The following DARS2 variants were observed in gnomAD, a reference collection of about 807,000 sequenced individuals.
DARS2 encodes aspartate--tRNA ligase, mitochondrial.
Under a neutral mutation model 83.0 loss-of-function variants are expected in DARS2, and 63 were observed. The ratio of observed to expected loss-of-function variants is 0.76; its 90% confidence interval spans 0.62 to 0.94. The LOEUF is 0.94. DARS2 is among the 40% of genes least tolerant of loss of function. The pLI is 0.00. For synonymous variants in DARS2, 250 were observed against 269.3 expected (o/e 0.93, Z 0.70); for missense variants, 675 against 774.4 (o/e 0.87, Z 1.52).
chr1:173,846,429 C>T (rs1430038333), intron 12 of DARS2, among the ~76,000 whole-genome samples: 3 of 151,922 alleles, frequency 2.0e-5, no homozygotes, highest in Non-Finnish European at 2.9e-5. Flanking sequence ...GAGTTCAAGG[C>T]TGCAGTGAGC....
intron 11 of DARS2, 34 bp downstream of exon 11, chr1:173,841,007 T>C (rs748699191): frequency 8.0e-7 from 1 of 1,243,682 alleles, no homozygotes; most frequent in Non-Finnish European, 1.2e-6. Context: ...TTCTCTAGAA[T>C]GTATGCTTTG....
chr1:173,847,357 A>T (rs1197576646), intron 12 of DARS2, among the ~76,000 whole-genome samples: 1 of 152,140 alleles, frequency 6.6e-6, no homozygotes, highest in Admixed American at 6.5e-5. Context: ...GCATCTAAGA[A>T]CCATAGGACC....
chr1:173,836,915 C>G, intron 7 of DARS2, 25 bp from the exon 8 acceptor site: 1 of 1,590,568 alleles, frequency 6.3e-7, no homozygotes, highest in Non-Finnish European at 8.6e-7. Context: ...AATCTGTCTT[C>G]TCTCTCTTTC....
chr1:173,839,996 C>T (rs1266998500), intron 10 of DARS2, among the ~76,000 whole-genome samples: 1 of 152,090 alleles, frequency 6.6e-6, no homozygotes, highest in East Asian at 1.9e-4. Flanking sequence ...AGTTTCATTA[C>T]CAGGCCTCTA....
At chr1:173,846,735 G>T (rs1450124372) in intron 12 of DARS2, among the ~76,000 whole-genome samples, 2 of 151,926 alleles carry the variant, frequency 1.3e-5, no homozygotes, top group Non-Finnish European at 2.9e-5. Context: ...GATCGAGGCT[G>T]CAGTGAGCTG....
chr1:173,840,105 G>C (rs1435256145), intron 10 of DARS2, among the ~76,000 whole-genome samples: 1 of 152,118 alleles, frequency 6.6e-6, no homozygotes, highest in African/African-American at 2.4e-5. Context: ...AATTGGTCCT[G>C]CCTGGTCTGT....
In DARS2 at chr1:173,857,634, C is replaced by T; in HGVS notation, c.1867C>T (p.Pro623Ser). The T allele has an allele frequency of 6.2e-7, 1 of 1,614,146 alleles. No individual in the cohort carries two copies. Among genetic ancestry groups the T allele is most frequent in the Non-Finnish European group, 8.5e-7 (1 of 1,180,020 alleles). Residue 623 changes from proline to serine, a missense_variant, in exon 17 of 17, where the codon CCT becomes TCT. Transcript: ENST00000649689. ...GAGCAATACCCCAGATTCTGTCCCTCCTGAGGAACTGAAGCCCTATCATAT... is the reference window on the plus strand; with the variant it reads ...GAGCAATACCCCAGATTCTGTCCCTTCTGAGGAACTGAAGCCCTATCATAT... Reference protein sequence around the residue: ...LMSNTPDSVPPEELKPYHIRV... With the variant: ...LMSNTPDSVPSEELKPYHIRV...
Position 173,825,083 on chromosome 1 carries a change from A to G in DARS2, c.-147A>G, listed in dbSNP as rs866230478. ...CTTGTTTCTAGACACGTGTACTCCA[A>G]TGTTGTGCGGAGGAGGCCTTAAATA... On this transcript the variant is annotated 5_prime_UTR_variant, in exon 1 of 17. An upstream start codon of the reference 5' UTR is lost. Coordinates refer to ENST00000649689, the MANE Select transcript of DARS2 (RefSeq NM_018122.5). 109 of 1,176,030 alleles carry G rather than the reference A, an allele frequency of 9.3e-5. No individual in the cohort carries two copies. In the African/African-American group the frequency reaches 1.2e-3, roughly 13 times the overall value. The allele number at this position is 1,176,030 out of a possible 1,614,324, so 72.8% of individuals were successfully genotyped here.
chr1:173,829,225 G>GTA (rs1652702347), intron 3 of DARS2, among the ~76,000 whole-genome samples: 1 of 151,822 alleles, frequency 6.6e-6, no homozygotes, highest in South Asian at 2.1e-4. Flanking sequence ...GTGTGTGTGT[G>GTA]TGTGTATTTG....
At chr1:173,852,654 G>A (rs937099625) in intron 13 of DARS2, among the ~76,000 whole-genome samples, 3 of 151,978 alleles carry the variant, frequency 2.0e-5, no homozygotes, top group Non-Finnish European at 2.9e-5. Context: ...ACAAGTGCAT[G>A]CCACCACGCC....
At chr1:173,834,566 A>T in intron 7 of DARS2, 47 bp downstream of exon 7, 1 of 1,448,094 alleles carries the variant, frequency 6.9e-7, no homozygotes, top group Non-Finnish European at 9.7e-7. Flanking sequence ...CCTATTAGTT[A>T]TAAAGCTAGA....
At chr1:173,828,182 TATC>T (rs1386716176) in intron 2 of DARS2, 148 bp from the exon 3 acceptor site, 23 of 798,284 alleles carry the variant, frequency 2.9e-5, no homozygotes, top group Non-Finnish European at 4.0e-5. Flanking sequence ...GGTACATAAT[TATC>T]ATAAAAAACA....
rs1424831804 is a variant in DARS2, at chr1:173,825,283, C to G, written c.54C>G (p.Ile18Met). 12 of 1,613,610 alleles carry G rather than the reference C, an allele frequency of 7.4e-6. No homozygotes were observed. Among genetic ancestry groups the G allele is most frequent in the Admixed American group, 3.3e-5 (2 of 59,924 alleles). ...SQLYRGLSRP[I>M]RRTTQPIWGS... ...TGTACAGGGGTTTATCCAGACCCAT[C>G]AGAAGGACCACCCAACCGATCTGGG... The change falls in exon 1 of 17, where the codon ATC becomes ATG. Residue 18 changes from isoleucine (I) to methionine (M), a missense_variant. Transcript: ENST00000649689.
intron 8 of DARS2, 118 bp from the exon 9 acceptor site, chr1:173,838,072 C>T: frequency 7.2e-6 from 6 of 829,624 alleles, no homozygotes; most frequent in South Asian, 7.1e-5. Context: ...CATGCCCGGC[C>T]CTTCTTACGT....
intron 12 of DARS2, 30 bp downstream of exon 12, chr1:173,845,321 C>CGTAT: frequency 6.8e-7 from 1 of 1,476,956 alleles, no homozygotes; most frequent in Non-Finnish European, 9.5e-7. Context: ...AGTTTTTTTC[C>CGTAT]TTATACAGAT....
Position 173,850,537 on chromosome 1 carries a change from C to A in DARS2, c.1344+58C>A. Reference sequence around the variant, plus strand: ...TTGATGCTGAACAATGCCTTACTCTCCTATGTATATAGTATACGTTTGAAC... The same window carrying A: ...TTGATGCTGAACAATGCCTTACTCTACTATGTATATAGTATACGTTTGAAC... On this transcript the variant is annotated intron_variant, in intron 13 of 16. Coordinates refer to ENST00000649689, the MANE Select transcript of DARS2 (RefSeq NM_018122.5). 1.3e-5 allele frequency: 20 copies of A among 1,552,016 alleles called. No homozygotes were observed. In the South Asian group the frequency reaches 2.3e-4, roughly 18 times the overall value.
At chr1:173,854,867 A>G (rs1653802821) in intron 15 of DARS2, among the ~76,000 whole-genome samples, 1 of 152,194 alleles carries the variant, frequency 6.6e-6, no homozygotes, top group South Asian at 2.1e-4. Flanking sequence ...TAAAAGTAAA[A>G]GAAGAGTCTG....
At chr1:173,838,891 A>G (rs1653105995) in intron 9 of DARS2, among the ~76,000 whole-genome samples, 1 of 152,088 alleles carries the variant, frequency 6.6e-6, no homozygotes, top group Non-Finnish European at 1.5e-5. Context: ...GCGTGCCACC[A>G]TGCCCAGCTG....
intron 7 of DARS2, among the ~76,000 whole-genome samples, chr1:173,836,398 G>A (rs1289250721): frequency 2.0e-5 from 3 of 151,032 alleles, no homozygotes; most frequent in Non-Finnish European, 1.5e-5. Flanking sequence ...AAATTAGCGG[G>A]GCATGGTGGT....
Sources: gnomAD v4.1 joint callset for allele counts (sites outside exome capture counted in the v4.1 genomes callset) on GRCh38, gnomAD v4.1.1 for gene constraint, MANE v1.5 for transcripts, NCBI Gene and HGNC (gene_info 2026-07-23, HGNC 2026-07-21) for gene names.